The following MCF2L variants were observed in gnomAD, a reference collection of about 807,000 sequenced individuals.
The protein encoded by MCF2L is guanine nucleotide exchange factor DBS.
In MCF2L, 97 loss-of-function variants were observed where a neutral mutation model predicts 153.4. The observed-to-expected ratio is 0.63, with a 90% confidence interval of 0.54 to 0.75. MCF2L has a LOEUF of 0.75. Ranked by LOEUF, MCF2L falls within the 30% of genes least tolerant of loss-of-function variation. The pLI is 0.00. For missense variants in MCF2L, 1,347 were observed against 1,495.2 expected (o/e 0.90, Z 1.64); for synonymous variants, 659 against 632.2 (o/e 1.04, Z -0.64).
At chr13:112,975,912 C>T (rs916675016) in intron 1 of MCF2L, among the ~76,000 whole-genome samples, 2 of 127,748 alleles carry the variant, frequency 1.6e-5, no homozygotes, top group South Asian at 5.3e-4. Flanking sequence ...GGCCCCTCTG[C>T]CATAGCAAGC....
intron 3 of MCF2L, among the ~76,000 whole-genome samples, chr13:113,036,676 C>T (rs1242459791): frequency 6.6e-6 from 1 of 152,006 alleles, no homozygotes; most frequent in Non-Finnish European, 1.5e-5. Flanking sequence ...TCCTCTCACC[C>T]AGGAGCCCTC....
chr13:113,082,268 T>A (rs955008548), intron 16 of MCF2L, among the ~76,000 whole-genome samples, 159 bp from the exon 17 acceptor site: 9 of 152,226 alleles, frequency 5.9e-5, no homozygotes, highest in African/African-American at 1.9e-4. Flanking sequence ...TTCATAATGC[T>A]TTTGCTTTGA....
chr13:112,907,773 A>C lies in MCF2L; in HGVS notation c.169+5402A>C, dbSNP rs1594304838. Among the ~76,000 whole-genome samples the C allele has an allele frequency of 6.6e-6, 1 of 152,122 alleles. No individual in the cohort carries two copies. On this transcript the variant is annotated intron_variant, in intron 2 of 29. Transcript: ENST00000375608. This position sits in a 1 kb window ranked among gnomAD's most constrained non-coding sequence, Gnocchi z 5.1. Reference sequence around the variant, plus strand: ...ATTGCTTTCTCCTTGCATGCCATTTAGTGTTGCAGAAAACAGCTCTGAGAA... The same window carrying C: ...ATTGCTTTCTCCTTGCATGCCATTTCGTGTTGCAGAAAACAGCTCTGAGAA...
chr13:112,916,003 C>T (rs1420779938), intron 2 of MCF2L, among the ~76,000 whole-genome samples: 1 of 151,546 alleles, frequency 6.6e-6, no homozygotes, highest in Non-Finnish European at 1.5e-5. Context: ...TCGAGACCAT[C>T]CTGGTTAACA....
At chr13:113,078,873 C>A in intron 15 of MCF2L, 134 bp downstream of exon 15, 1 of 851,874 alleles carries the variant, frequency 1.2e-6, no homozygotes, top group Non-Finnish European at 1.8e-6. Flanking sequence ...CTTACTTTTG[C>A]ACCAACCGAT....
intron 25 of MCF2L, 142 bp from the exon 26 acceptor site, chr13:113,089,459 CCGGGTTTAA>C: frequency 1.6e-6 from 1 of 637,082 alleles, no homozygotes. Context: ...TCCAGTCCGT[CCGGGTTTAA>C]CTTAGAAACA....
In MCF2L at chr13:113,075,969, A is replaced by G. The variant is rs760655483; in HGVS notation, c.1312A>G (p.Met438Val). The G allele has an allele frequency of 6.9e-6, 11 of 1,605,090 alleles. No homozygotes were observed. The highest frequency in any genetic ancestry group is 6.7e-5 in the African/African-American group (5 of 74,424). ...CGGCAATGCTCTGTGTTTCCAGTCC[A>G]TGAAGTGGTGTGATGAAGGGATTTA... ...LELHRRLETS[M>V]KWCDEGIYLL... Residue 438 changes from methionine to valine, a missense_variant, in exon 12 of 30, where the codon ATG (methionine) becomes GTG (valine). Physicochemically the swap from Met to Val is conservative, Grantham distance 21. Around this residue, in one of 3 missense-constraint regions of MCF2L, gnomAD observed 820 missense variants for 921.2 expected, o/e 0.89. Coordinates refer to ENST00000535094, the MANE Select transcript of MCF2L (RefSeq NM_001112732.3).
rs553749450 is a variant in MCF2L at position 112,925,243 on chromosome 13, T to A, written c.169+22872T>A. ...GTGGCTAAAATTAAAGACTGGCTAT[T>A]CCAAGTGGTTGGTGCAGAAGTGGGA... On this transcript the variant is annotated intron_variant, in intron 2 of 29. Transcript: ENST00000375608. Among the ~76,000 whole-genome samples, 4 of 152,328 alleles carry A rather than the reference T, an allele frequency of 2.6e-5. No homozygotes were observed. The East Asian group carries it at 7.7e-4, about 29-fold the overall frequency.
intron 1 of MCF2L, among the ~76,000 whole-genome samples, chr13:112,976,757 C>A (rs527660156): frequency 2.0e-5 from 3 of 152,282 alleles, no homozygotes; most frequent in South Asian, 2.1e-4. Flanking sequence ...GACACCATGG[C>A]GGGAAGACGA....
At chr13:112,996,770 C>A (rs1046965939) in intron 1 of MCF2L, among the ~76,000 whole-genome samples, 1 of 152,202 alleles carries the variant, frequency 6.6e-6, no homozygotes, top group Admixed American at 6.5e-5. Flanking sequence ...TGGTGCCGCC[C>A]CTCCTCTCTC....
chr13:113,024,551 A>G, intron 2 of MCF2L, 93 bp from the exon 3 acceptor site: 2 of 730,264 alleles, frequency 2.7e-6, no homozygotes, highest in Non-Finnish European at 4.9e-6. Flanking sequence ...TTTTAACTGA[A>G]ATACTGGGTG....
At chr13:113,044,725 A>T (rs973017304) in intron 3 of MCF2L, 1 of 1,612,898 alleles carries the variant, frequency 6.2e-7, no homozygotes. Flanking sequence ...TCTGTCACAG[A>T]TGTGGCTGTC....
In MCF2L at chr13:112,951,402, T is replaced by C. The variant is rs2081692074; in HGVS notation, c.169+49031T>C. Among the ~76,000 whole-genome samples the C allele has an allele frequency of 6.6e-6, 1 of 152,230 alleles. No individual in the cohort carries two copies. Among genetic ancestry groups the C allele is most frequent in the Non-Finnish European group, 1.5e-5 (1 of 68,040 alleles). On this transcript the variant is annotated intron_variant, in intron 2 of 29. Transcript: ENST00000375608. The surrounding 1 kb of genome is among the most constrained non-coding windows in gnomAD (Gnocchi z 4.8). ...TTATGTGCACATAAATACAGGCATA[T>C]GAATGTTTATATTCGTTTATTTGTC...
upstream of MCF2L, chr13:112,964,928 G>T (rs1289041146): frequency 6.6e-6 from 1 of 152,178 alleles, no homozygotes; most frequent in Non-Finnish European, 1.5e-5. Context: ...TAAGTTACTT[G>T]TTTCATGCAT....
At chr13:112,990,156 C>T (rs1349325098) in intron 1 of MCF2L, among the ~76,000 whole-genome samples, 1 of 152,176 alleles carries the variant, frequency 6.6e-6, no homozygotes, top group East Asian at 1.9e-4. Flanking sequence ...GCTTGCAGAC[C>T]CCTGTGTTAA....
At chr13:113,084,370 C>G (rs1431790381) in intron 18 of MCF2L, among the ~76,000 whole-genome samples, 2 of 137,428 alleles carry the variant, frequency 1.5e-5, no homozygotes, top group African/African-American at 2.6e-5. Flanking sequence ...CCCCCAGAAC[C>G]TCCTTTGCCC....
Position 113,087,759 on chromosome 13 carries a change from A to G in MCF2L, c.2648A>G (p.Glu883Gly). ...GTGAAGGGAGATGCTAAGAAGTTCG[A>G]GATCTGGTACAACGCGCGCGAGGAG... ...ENVKGDAKKFEIWYNAREEVY... is the reference protein window; with the variant it reads ...ENVKGDAKKFGIWYNAREEVY... Residue 883 changes from glutamate to glycine, a missense_variant, in exon 23 of 30, where the codon GAG (glutamate) becomes GGG (glycine). Transcript: ENST00000535094. 6.2e-7 allele frequency: 1 copy of G among 1,614,130 alleles called. No homozygotes were observed. The highest frequency in any genetic ancestry group is 2.2e-5 in the East Asian group (1 of 44,878).
intron 2 of MCF2L, among the ~76,000 whole-genome samples, chr13:112,926,958 GC>G (rs2081413922): frequency 2.6e-5 from 4 of 152,188 alleles, no homozygotes; most frequent in Non-Finnish European, 5.9e-5. Context: ...GCTCGATTTA[GC>G]CTTTCCACTG....
chr13:113,021,773 G>A (rs1053720635), intron 2 of MCF2L, among the ~76,000 whole-genome samples: 4 of 152,182 alleles, frequency 2.6e-5, no homozygotes, highest in African/African-American at 7.2e-5. Flanking sequence ...GAGCTTTGGC[G>A]CCTGCTTTTC....
Sources: gnomAD v4.1 joint callset for allele counts (sites outside exome capture counted in the v4.1 genomes callset) on GRCh38, gnomAD v4.1.1 for gene constraint, gnomAD v4.1.1 regional missense constraint, Gnocchi (gnomAD v3.1) non-coding constraint, MANE v1.5 for transcripts, NCBI Gene and HGNC (gene_info 2026-07-23, HGNC 2026-07-21) for gene names.